Variants in ZBBX observed in about 807,000 individuals in gnomAD.
ZBBX encodes the protein zinc finger B-box domain-containing protein 1.
A neutral mutation model predicts 108.5 loss-of-function variants in ZBBX; 101 were observed. That is an observed-to-expected ratio of 0.93 (90% confidence interval 0.79 to 1.10). The LOEUF is 1.10. Ranked by LOEUF, ZBBX falls within the 50% of genes least tolerant of loss-of-function variation. The pLI is 0.00. For missense variants in ZBBX, 1,009 were observed against 941.4 expected (o/e 1.07, Z -0.94); for synonymous variants, 356 against 323.4 (o/e 1.10, Z -1.08).
intron 1 of ZBBX, among the ~76,000 whole-genome samples, chr3:167,402,979 G>T (rs2108644311): frequency 6.6e-6 from 1 of 152,194 alleles, no homozygotes; most frequent in South Asian, 2.1e-4. Flanking sequence ...ACCTGTAATT[G>T]GAAGAACAGA....
chr3:167,348,443 AG>A lies in ZBBX; in HGVS notation c.528+1976del, dbSNP rs71176642. 2.1e-3 allele frequency among the ~76,000 whole-genome samples: 302 copies of A among 145,732 alleles called. 4 individuals are homozygous for A. The highest frequency in any genetic ancestry group is 7.6e-3 in the African/African-American group (300 of 39,368). On this transcript the variant is annotated intron_variant, in intron 9 of 21. Coordinates refer to ENST00000675490, the MANE Select transcript of ZBBX (RefSeq NM_001199201.2). ...AGAGAAGAGGGAGAGAGAAAGAGAG[AG>A]AAGGAGAGAAAGAGGAAAGAAAGAA...
the ZBBX span, among the ~76,000 whole-genome samples, chr3:167,181,057 T>C: frequency 6.6e-6 from 1 of 152,242 alleles, no homozygotes; most frequent in Non-Finnish European, 1.5e-5. Flanking sequence ...GCTATTGTTC[T>C]ATCCAAATTG....
chr3:167,393,998 T>A (rs543071601), intron 1 of ZBBX, among the ~76,000 whole-genome samples: 1 of 152,108 alleles, frequency 6.6e-6, no homozygotes, highest in South Asian at 2.1e-4. Context: ...GAAAGTATTT[T>A]AAAAGTAGAA....
chr3:167,387,803 G>A (rs1402856589), intron 1 of ZBBX, among the ~76,000 whole-genome samples: 1 of 151,920 alleles, frequency 6.6e-6, no homozygotes, highest in Admixed American at 6.6e-5. Context: ...TCTTATCAAT[G>A]GACTTGGAAT....
chr3:167,267,126 C>T (rs553163281), intron 20 of ZBBX, among the ~76,000 whole-genome samples: 33 of 152,282 alleles, frequency 2.2e-4, no homozygotes, highest in African/African-American at 7.0e-4. Flanking sequence ...CACTGCTGTG[C>T]AGAGTAAGTC....
chr3:167,400,730 A>G (rs1748400192), intron 1 of ZBBX, among the ~76,000 whole-genome samples: 1 of 152,044 alleles, frequency 6.6e-6, no homozygotes, highest in Admixed American at 6.6e-5. Context: ...GGTTTTATAC[A>G]TTTCAGAGAG....
chr3:167,266,483 C>G (rs1193722076), intron 20 of ZBBX, among the ~76,000 whole-genome samples: 1 of 152,088 alleles, frequency 6.6e-6, no homozygotes, highest in Admixed American at 6.5e-5. Flanking sequence ...TTACCTGTAC[C>G]CATTTTTCCC....
In ZBBX at chr3:167,389,406, CT is replaced by C. The variant is rs1351462298; in HGVS notation, c.-445-9002del. ...ATGGGCATTTGGGTTGGTTCCAAATCTTTGCTATTGTAAATAGTGCTGCAAT... is the reference window on the plus strand; with the variant it reads ...ATGGGCATTTGGGTTGGTTCCAAATCTTGCTATTGTAAATAGTGCTGCAAT... On this transcript the variant is annotated intron_variant, in intron 1 of 21. Coordinates refer to the ZBBX transcript ENST00000455345. Among the ~76,000 whole-genome samples, 5 of 152,194 alleles carry C rather than the reference CT, an allele frequency of 3.3e-5. No individual in the cohort carries two copies. The South Asian group carries it at 8.3e-4, about 25-fold the overall frequency.
At chr3:167,273,595 G>A (rs145445719) in intron 20 of ZBBX, among the ~76,000 whole-genome samples, 6 of 152,066 alleles carry the variant, frequency 3.9e-5, no homozygotes, top group Non-Finnish European at 7.3e-5. Flanking sequence ...AGCCTTTGCA[G>A]GAGCTTACCC....
chr3:167,333,244 C>A (rs1738965472), intron 10 of ZBBX, among the ~76,000 whole-genome samples: 1 of 151,916 alleles, frequency 6.6e-6, no homozygotes, highest in Non-Finnish European at 1.5e-5. Flanking sequence ...AGGTGACTGG[C>A]ATCTAAAAGA....
intron 8 of ZBBX, among the ~76,000 whole-genome samples, chr3:167,356,699 C>T (rs1039521917): frequency 6.6e-6 from 1 of 152,014 alleles, no homozygotes; most frequent in Non-Finnish European, 1.5e-5. Flanking sequence ...GAGTGCCTAC[C>T]ACACTGCAGG....
At chr3:167,271,566 G>A (rs573944855) in intron 20 of ZBBX, among the ~76,000 whole-genome samples, 2 of 152,302 alleles carry the variant, frequency 1.3e-5, no homozygotes, top group East Asian at 3.9e-4. Context: ...GAGAAATCCT[G>A]CCTCACTTGC....
chr3:167,249,231 G>T (rs1268426663), intron 20 of ZBBX, among the ~76,000 whole-genome samples: 1 of 152,168 alleles, frequency 6.6e-6, no homozygotes, highest in Admixed American at 6.5e-5. Flanking sequence ...CTGGCATTTG[G>T]AACTTTTCTA....
At chr3:167,375,390 G>A (rs758416842) in intron 2 of ZBBX, among the ~76,000 whole-genome samples, 2 of 152,000 alleles carry the variant, frequency 1.3e-5, no homozygotes, top group Non-Finnish European at 2.9e-5. Flanking sequence ...TCAGGAGTTC[G>A]AGACCAGCCT....
intron 20 of ZBBX, among the ~76,000 whole-genome samples, chr3:167,275,895 G>A (rs913964480): frequency 1.3e-5 from 2 of 152,214 alleles, no homozygotes; most frequent in Non-Finnish European, 2.9e-5. Flanking sequence ...CAGCTTTGAA[G>A]AGAGCAGTGG....
intron 1 of ZBBX, among the ~76,000 whole-genome samples, chr3:167,397,542 A>T (rs1748286952): frequency 6.6e-6 from 1 of 151,904 alleles, no homozygotes; most frequent in African/African-American, 2.4e-5. Context: ...CAAATGTAAC[A>T]TGTCAAAGTA....
At chr3:167,204,233 C>A in the ZBBX span, among the ~76,000 whole-genome samples, 8 of 79,122 alleles carry the variant, frequency 1.0e-4, no homozygotes, top group Non-Finnish European at 1.9e-4. Flanking sequence ...TTTTAAATTT[C>A]TTTTCTTTTC....
At chr3:167,348,983 A>G (rs1369266877) in intron 9 of ZBBX, among the ~76,000 whole-genome samples, 1 of 152,074 alleles carries the variant, frequency 6.6e-6, no homozygotes, top group African/African-American at 2.4e-5. Flanking sequence ...CTGGATCACA[A>G]TAAGCCATAT....
rs908163512 is a variant in ZBBX at position 167,404,022 on chromosome 3, GA to G, written c.-446+3703del. 2.6e-5 allele frequency among the ~76,000 whole-genome samples: 4 copies of G among 151,824 alleles called. No individual in the cohort carries two copies. The South Asian group carries it at 8.3e-4, about 31-fold the overall frequency. ...AAGAAAAAGCAATATTGTCAGAGGCGAAAAAAGTCAGCATACTAACAGTATA... is the reference window on the plus strand; with the variant it reads ...AAGAAAAAGCAATATTGTCAGAGGCGAAAAAGTCAGCATACTAACAGTATA... On this transcript the variant is annotated intron_variant, in intron 1 of 21. Transcript: ENST00000455345.
Sources: allele counts gnomAD v4.1 joint callset (sites outside exome capture counted in the v4.1 genomes callset), GRCh38; gene constraint gnomAD v4.1.1; transcripts MANE v1.5; gene names NCBI Gene and HGNC (gene_info 2026-07-23, HGNC 2026-07-21).